The following SZRD1 variants were observed in gnomAD, a reference collection of about 807,000 sequenced individuals.
SZRD1 encodes the protein SUZ RNA binding domain containing 1.
SZRD1 carries 7 observed loss-of-function variants against 17.6 expected under a neutral mutation model. The observed-to-expected ratio is 0.40, with a 90% CI of 0.23 to 0.75. The LOEUF (loss-of-function observed/expected upper bound fraction) is 0.75, where lower values mean the gene tolerates loss of function less well. Among genes scored for constraint, SZRD1 ranks in the 30% least tolerant of loss-of-function variants. The pLI, the probability that SZRD1 is intolerant of heterozygous loss-of-function variation, is 0.38. For synonymous variants in SZRD1, 77 were observed against 77.9 expected (o/e 0.99, Z 0.06); for missense variants, 178 against 201.8 (o/e 0.88, Z 0.71).
At chr1:16,375,971 C>T (rs957158747) in intron 1 of SZRD1, among the ~76,000 whole-genome samples, 3 of 152,154 alleles carry the variant, frequency 2.0e-5, no homozygotes, top group African/African-American at 7.2e-5. Context: ...ATCTCACTGG[C>T]GAACAAGCGC....
chr1:16,391,436 G>C lies in SZRD1; in HGVS notation c.101+12G>C. On this transcript the variant is annotated intron_variant, in intron 2 of 3. Coordinates refer to ENST00000401088, the MANE Select transcript of SZRD1 (RefSeq NM_001114600.3). This position sits in a 1 kb window ranked among gnomAD's most constrained non-coding sequence, Gnocchi z 4.3. ...ACACAAAAAGAGAGGTAAGGCTGCT[G>C]TCTGGTCTGAGGGCTCATGCTCTCT... The C allele has an allele frequency of 6.5e-7, 1 of 1,548,208 alleles. No individual in the cohort carries two copies. Among genetic ancestry groups the C allele is most frequent in the Non-Finnish European group, 8.7e-7 (1 of 1,145,626 alleles).
intron 1 of SZRD1, among the ~76,000 whole-genome samples, chr1:16,371,238 C>A (rs2082907566): frequency 6.6e-6 from 1 of 151,944 alleles, no homozygotes; most frequent in Admixed American, 6.6e-5. Flanking sequence ...GTTGCCCAGG[C>A]TGGGGTGCAG....
rs1050415745 is a variant in SZRD1 at position 16,367,253 on chromosome 1, G to A, written c.-5G>A. 6 of 1,548,358 alleles carry A rather than the reference G, an allele frequency of 3.9e-6. No homozygotes were observed. Among genetic ancestry groups the A allele is most frequent in the Admixed American group, 3.9e-5 (2 of 50,972 alleles). ...GGTGGGGGAGGAGGGAAAGCGGCGA[G>A]TAAGATGGAAGATGAGGAGGTCGCT... On this transcript the variant is annotated 5_prime_UTR_variant, in exon 1 of 4. Transcript: ENST00000401088.
intron 1 of SZRD1, among the ~76,000 whole-genome samples, chr1:16,386,253 C>T (rs1006266420): frequency 6.6e-6 from 1 of 152,192 alleles, no homozygotes; most frequent in African/African-American, 2.4e-5. Context: ...GCAGTCACAG[C>T]GATGGTTTTC....
chr1:16,377,091 A>C (rs549173270), intron 1 of SZRD1, among the ~76,000 whole-genome samples: 2 of 152,068 alleles, frequency 1.3e-5, no homozygotes, highest in Non-Finnish European at 2.9e-5. Context: ...CTTGTGTTCC[A>C]TTCTGCCTGC....
chr1:16,395,174 G>A lies in SZRD1; in HGVS notation c.*34G>A, dbSNP rs754737995. The A allele has an allele frequency of 1.0e-5, 15 of 1,496,082 alleles. No homozygotes were observed. Among genetic ancestry groups the A allele is most frequent in the Admixed American group, 8.4e-5 (5 of 59,456 alleles). The allele number at this position is 1,496,082 out of a possible 1,614,324, so 92.7% of individuals were successfully genotyped here. A position where few individuals can be genotyped will look rare whatever the true frequency, so the allele number is the denominator to read the frequency against. On this transcript the variant is annotated 3_prime_UTR_variant, in exon 4 of 4. Transcript: ENST00000401088. ...AAGAAAAGATGCCGCCGTTGCTGCC[G>A]TCACCGCCTCCTGGGTCGTCCGCCA...
At position 16,393,640 on chromosome 1, in the gene SZRD1, A is replaced by G. The variant is rs1240148512; in HGVS notation, c.356+158A>G. 6.6e-6 allele frequency among the ~76,000 whole-genome samples: 1 copy of G among 152,160 alleles called. No individual in the cohort carries two copies. The highest frequency in any genetic ancestry group is 6.5e-5 in the Admixed American group (1 of 15,268). ...GATCCCAGCCTGCTGGCACTAGTTC[A>G]CTGTGCCGCATTGGCTGGAGAGGGC... is the stretch of plus-strand genomic sequence containing the variant. On this transcript the variant is annotated intron_variant, in intron 3 of 3. Coordinates refer to ENST00000401088, the MANE Select transcript of SZRD1 (RefSeq NM_001114600.3). This position sits in a 1 kb window ranked among gnomAD's most constrained non-coding sequence, Gnocchi z 5.6.
At chr1:16,372,265 G>A (rs1010756059) in intron 1 of SZRD1, among the ~76,000 whole-genome samples, 22 of 152,098 alleles carry the variant, frequency 1.4e-4, no homozygotes, top group African/African-American at 5.1e-4. Context: ...CTGAGGTCAC[G>A]AGTTCAAGAC....
rs2083142984 is a variant in SZRD1, at chr1:16,383,642, CAG to C, written c.52-7730_52-7729del. The stretch of plus-strand genomic sequence containing the variant: ...TTTTTCCTTTTTTTTTTTTTTTAGA[CAG>C]AGTCTTGCTCTGTTGCCCAGGCTGG... On this transcript the variant is annotated intron_variant, in intron 1 of 3. Coordinates refer to ENST00000401088, the MANE Select transcript of SZRD1 (RefSeq NM_001114600.3). 2.5e-5 allele frequency among the ~76,000 whole-genome samples: 3 copies of C among 122,296 alleles called. No individual in the cohort carries two copies. The South Asian group carries it at 7.5e-4, about 31-fold the overall frequency. 80.2% of individuals were successfully genotyped at this position (122,296 alleles called of 152,430 possible).
At position 16,395,346 on chromosome 1, in the gene SZRD1, T is replaced by C. The variant is rs562646915; in HGVS notation, c.*206T>C. On this transcript the variant is annotated 3_prime_UTR_variant, in exon 4 of 4. Coordinates refer to ENST00000401088, the MANE Select transcript of SZRD1 (RefSeq NM_001114600.3). The stretch of plus-strand genomic sequence containing the variant: ...CCCTTCTCCCCCTTCCCACTGTGAT[T>C]GGCACATCGACAAGGGCTGTCCCAA... 8 of 595,272 alleles carry C rather than the reference T, an allele frequency of 1.3e-5. No homozygotes were observed. The highest frequency in any genetic ancestry group is 1.3e-4 in the South Asian group (7 of 54,588). 36.9% of individuals were successfully genotyped at this position (595,272 alleles called of 1,614,324 possible).
chr1:16,391,509 G>A lies in SZRD1; in HGVS notation c.101+85G>A. 8.5e-7 allele frequency: 1 copy of A among 1,182,954 alleles called. No individual in the cohort carries two copies. Among genetic ancestry groups the A allele is most frequent in the Admixed American group, 2.2e-5 (1 of 45,834 alleles). The allele number at this position is 1,182,954 out of a possible 1,614,324, so 73.3% of individuals were successfully genotyped here. The stretch of plus-strand genomic sequence containing the variant: ...AGTGGTGTTCTCCAGCTGGCCATTA[G>A]GATTAGCAGGTCCTAGCAGGTCAGG... On this transcript the variant is annotated intron_variant, in intron 2 of 3. Transcript: ENST00000401088. The surrounding 1 kb of genome is among the most constrained non-coding windows in gnomAD (Gnocchi z 4.3).
At chr1:16,378,818 C>T (rs1055892520) in intron 1 of SZRD1, among the ~76,000 whole-genome samples, 3 of 151,652 alleles carry the variant, frequency 2.0e-5, no homozygotes, top group African/African-American at 7.3e-5. Flanking sequence ...CCTCCACCCT[C>T]TGGGTTCAAG....
intron 1 of SZRD1, among the ~76,000 whole-genome samples, chr1:16,383,076 G>A (rs2083133079): frequency 6.6e-6 from 1 of 151,282 alleles, no homozygotes. Context: ...ATATTGCTCA[G>A]GCTGGTCTGG....
At chr1:16,386,605 C>G (rs191195047) in intron 1 of SZRD1, among the ~76,000 whole-genome samples, 2 of 152,254 alleles carry the variant, frequency 1.3e-5, no homozygotes, top group East Asian at 1.9e-4. Flanking sequence ...GAGGGAGATG[C>G]GATGCCCTCT....
intron 1 of SZRD1, among the ~76,000 whole-genome samples, chr1:16,378,759 C>T (rs1041944991): frequency 5.9e-5 from 9 of 152,050 alleles, no homozygotes; most frequent in South Asian, 2.1e-4. Context: ...TATTTTGAGA[C>T]GGAGTCTTGC....
chr1:16,381,287 G>A (rs2083097637), intron 1 of SZRD1, among the ~76,000 whole-genome samples: 1 of 151,908 alleles, frequency 6.6e-6, no homozygotes, highest in Admixed American at 6.6e-5. Context: ...TGTTGGGCAT[G>A]GTGGCTCACA....
At chr1:16,387,565 C>CTGCA in intron 1 of SZRD1, 1 of 456,722 alleles carries the variant, frequency 2.2e-6, no homozygotes. Flanking sequence ...CTTTGGTGCC[C>CTGCA]TGCAGCCCCT....
chr1:16,389,329 ATC>A (rs1171826714), intron 1 of SZRD1, among the ~76,000 whole-genome samples: 1 of 151,314 alleles, frequency 6.6e-6, no homozygotes, highest in East Asian at 2.0e-4. Context: ...CAGTGGCGCC[ATC>A]TCGGCTCACT....
In SZRD1 at chr1:16,393,861, T is replaced by C. The variant is rs1032153994; in HGVS notation, c.356+379T>C. Reference sequence around the variant, plus strand: ...CTCATCTGAAAAAATGGGATAATAATAGTACCAACCTTATCAAGGTGTTGT... The same window carrying C: ...CTCATCTGAAAAAATGGGATAATAACAGTACCAACCTTATCAAGGTGTTGT... On this transcript the variant is annotated intron_variant, in intron 3 of 3. Coordinates refer to ENST00000401088, the MANE Select transcript of SZRD1 (RefSeq NM_001114600.3). This position sits in a 1 kb window ranked among gnomAD's most constrained non-coding sequence, Gnocchi z 5.6. Among the ~76,000 whole-genome samples, 3 of 152,096 alleles carry C rather than the reference T, an allele frequency of 2.0e-5. No individual in the cohort carries two copies. Among genetic ancestry groups the C allele is most frequent in the Admixed American group, 6.6e-5 (1 of 15,266 alleles).
Sources: gnomAD v4.1 joint callset for allele counts (sites outside exome capture counted in the v4.1 genomes callset) on GRCh38, gnomAD v4.1.1 for gene constraint, Gnocchi (gnomAD v3.1) non-coding constraint, MANE v1.5 for transcripts, NCBI Gene and HGNC (gene_info 2026-07-23, HGNC 2026-07-21) for gene names.